MAGI2: variants seen among roughly 807,000 people sequenced by gnomAD.
The protein encoded by MAGI2 is membrane associated guanylate kinase, WW and PDZ domain containing 2, also known as membrane-associated guanylate kinase, WW and PDZ domain-containing protein 2.
MAGI2 carries 35 observed loss-of-function variants against 133.3 expected under a neutral mutation model. The observed-to-expected ratio is 0.26, with a 90% confidence interval of 0.20 to 0.35. MAGI2 has a LOEUF of 0.35. MAGI2 is among the 10% of genes least tolerant of loss of function. The pLI is 1.00. For synonymous variants in MAGI2, 729 were observed against 710.6 expected (o/e 1.03, Z -0.41); for missense variants, 1,636 against 1,863.4 (o/e 0.88, Z 2.25).
chr7:79,285,891 A>C (rs1172711304), intron 1 of MAGI2, among the ~76,000 whole-genome samples: 2 of 152,148 alleles, frequency 1.3e-5, no homozygotes, highest in Non-Finnish European at 2.9e-5. Flanking sequence ...TTAATTACTT[A>C]ATGTATATGT....
intron 2 of MAGI2, among the ~76,000 whole-genome samples, chr7:78,871,058 C>T (rs2151521478): frequency 1.3e-5 from 2 of 152,254 alleles, no homozygotes; most frequent in East Asian, 1.9e-4. Flanking sequence ...TGCCTGTAAT[C>T]CCAGCACTTT....
chr7:78,090,088 T>G (rs1423260474), intron 20 of MAGI2, among the ~76,000 whole-genome samples: 2 of 152,188 alleles, frequency 1.3e-5, no homozygotes, highest in African/African-American at 4.8e-5. Flanking sequence ...TCTCCCTGGA[T>G]CCTTCAATCC....
At chr7:79,065,973 G>T (rs1341949349) in intron 1 of MAGI2, among the ~76,000 whole-genome samples, 2 of 152,094 alleles carry the variant, frequency 1.3e-5, no homozygotes, top group African/African-American at 2.4e-5. Flanking sequence ...ATGGGCATTT[G>T]AGTTGGTTCC....
intron 21 of MAGI2, among the ~76,000 whole-genome samples, chr7:78,032,967 T>C (rs1284299437): frequency 6.6e-6 from 1 of 152,082 alleles, no homozygotes; most frequent in Non-Finnish European, 1.5e-5. Context: ...TTATTCCAAG[T>C]GTGATGGAAG....
chr7:79,409,053 T>C (rs1223224587), intron 1 of MAGI2, among the ~76,000 whole-genome samples: 1 of 152,080 alleles, frequency 6.6e-6, no homozygotes, highest in Non-Finnish European at 1.5e-5. Flanking sequence ...TACAGAAATA[T>C]AGGCTGACAA....
At chr7:78,974,643 T>G (rs2116049848) in intron 2 of MAGI2, among the ~76,000 whole-genome samples, 1 of 151,964 alleles carries the variant, frequency 6.6e-6, no homozygotes, top group South Asian at 2.1e-4. Context: ...GAGTATGTCT[T>G]CTGGGAATTT....
At chr7:78,280,589 C>G (rs911559608) in intron 9 of MAGI2, among the ~76,000 whole-genome samples, 1 of 152,082 alleles carries the variant, frequency 6.6e-6, no homozygotes, top group Non-Finnish European at 1.5e-5. Flanking sequence ...TCCCAAGAGT[C>G]CCGTGACATA....
At chr7:78,746,057 A>C (rs919195840) in intron 2 of MAGI2, among the ~76,000 whole-genome samples, 1 of 152,196 alleles carries the variant, frequency 6.6e-6, no homozygotes, top group East Asian at 1.9e-4. Flanking sequence ...GCCACCATCC[A>C]AAACTTGTCA....
chr7:78,800,179 A>G (rs558940875), intron 2 of MAGI2, among the ~76,000 whole-genome samples: 1 of 152,254 alleles, frequency 6.6e-6, no homozygotes, highest in African/African-American at 2.4e-5. Flanking sequence ...TACCAGGGTT[A>G]TATAATCAGT....
At chr7:78,452,912 T>C (rs980373146) in intron 6 of MAGI2, among the ~76,000 whole-genome samples, 1 of 152,120 alleles carries the variant, frequency 6.6e-6, no homozygotes, top group African/African-American at 2.4e-5. Flanking sequence ...TTTAGTCTCT[T>C]GCATATTATT....
chr7:79,293,838 G>C (rs1009925290), intron 1 of MAGI2, among the ~76,000 whole-genome samples: 2 of 152,148 alleles, frequency 1.3e-5, no homozygotes, highest in Non-Finnish European at 2.9e-5. Flanking sequence ...GCACAGTGTT[G>C]GTTGCTGTGC....
intron 3 of MAGI2, among the ~76,000 whole-genome samples, chr7:78,596,431 G>GA (rs1442225929): frequency 2.6e-5 from 4 of 152,118 alleles, no homozygotes; most frequent in South Asian, 2.1e-4. Context: ...TATCCTGAAG[G>GA]AAAAAAACAT....
intron 1 of MAGI2, among the ~76,000 whole-genome samples, chr7:79,451,437 T>G (rs1418748999): frequency 6.6e-6 from 1 of 152,216 alleles, no homozygotes; most frequent in Non-Finnish European, 1.5e-5. Context: ...CTTAGGTATC[T>G]TATCTTCAAA....
intron 2 of MAGI2, among the ~76,000 whole-genome samples, chr7:79,005,297 A>T (rs1320424190): frequency 1.3e-5 from 2 of 152,168 alleles, no homozygotes; most frequent in Non-Finnish European, 1.5e-5. Flanking sequence ...TCATCGTGAT[A>T]TTCAAATTGA....
intron 1 of MAGI2, among the ~76,000 whole-genome samples, chr7:79,156,820 AT>A (rs1457568003): frequency 6.6e-6 from 1 of 152,038 alleles, no homozygotes; most frequent in African/African-American, 2.4e-5. Context: ...GAGTTTGATT[AT>A]TTTCATTGAC....
chr7:78,082,843 C>T (rs1263821630), intron 20 of MAGI2, among the ~76,000 whole-genome samples: 1 of 152,182 alleles, frequency 6.6e-6, no homozygotes, highest in African/African-American at 2.4e-5. Flanking sequence ...GGCTTCAAGA[C>T]TTCCATCTCT....
intron 1 of MAGI2, among the ~76,000 whole-genome samples, chr7:79,417,248 T>C (rs1015461028): frequency 6.6e-6 from 1 of 152,156 alleles, no homozygotes; most frequent in Admixed American, 6.5e-5. Context: ...TTTTAGAGCA[T>C]GGCTTGAAGT....
At chr7:78,303,340 T>C (rs1797995115) in intron 9 of MAGI2, among the ~76,000 whole-genome samples, 1 of 144,456 alleles carries the variant, frequency 6.9e-6, no homozygotes, top group Non-Finnish European at 1.5e-5. Context: ...GATTGCGCCA[T>C]TGTATTCCAG....
At chr7:78,458,294 C>CAAAA (rs11380893) in intron 6 of MAGI2, among the ~76,000 whole-genome samples, 3 of 113,086 alleles carry the variant, frequency 2.7e-5, no homozygotes, top group South Asian at 5.9e-4. Flanking sequence ...AACTCGGTCT[C>CAAAA]AAAAAAAAAA....
Sources: allele counts gnomAD v4.1 joint callset (sites outside exome capture counted in the v4.1 genomes callset), GRCh38; gene constraint gnomAD v4.1.1; transcripts MANE v1.5; gene names NCBI Gene and HGNC (gene_info 2026-07-23, HGNC 2026-07-21).